Variants in ROBO2 observed in about 807,000 individuals in gnomAD.
ROBO2 encodes roundabout homolog 2.
In ROBO2, 53 loss-of-function variants were observed where a neutral mutation model predicts 160.8. That is an observed-to-expected ratio of 0.33 (90% CI 0.26 to 0.41). The LOEUF (loss-of-function observed/expected upper bound fraction) is 0.41. ROBO2 is among the 10% of genes least tolerant of loss of function. The probability of loss-of-function intolerance (pLI) is 1.00; values close to 1 mark genes in which losing one functional copy is unlikely to be tolerated. For synonymous variants in ROBO2, 664 were observed against 611.7 expected (o/e 1.09, Z -1.26); for missense variants, 1,577 against 1,722.4 (o/e 0.92, Z 1.49).
chr3:76,106,284 A>G (rs2069929016), intron 2 of ROBO2, among the ~76,000 whole-genome samples: 1 of 152,120 alleles, frequency 6.6e-6, no homozygotes, highest in Non-Finnish European at 1.5e-5. Context: ...AACAGAAGCA[A>G]TTTTACAAAC....
intron 2 of ROBO2, among the ~76,000 whole-genome samples, chr3:76,322,164 G>A (rs866194926): frequency 0.012 from 1,248 of 107,988 alleles, 15 homozygotes; most frequent in Non-Finnish European, 0.013. Context: ...TACTTCTTCC[G>A]TATATATATA....
intron 2 of ROBO2, among the ~76,000 whole-genome samples, chr3:77,371,989 T>A (rs530415822): frequency 7.9e-5 from 12 of 152,338 alleles, no homozygotes; most frequent in Middle Eastern, 3.4e-3. Context: ...GGATTTGAGT[T>A]ATGTGGATAA....
intron 2 of ROBO2, among the ~76,000 whole-genome samples, chr3:76,630,509 T>C (rs1188464428): frequency 6.7e-6 from 1 of 148,272 alleles, no homozygotes; most frequent in Non-Finnish European, 1.5e-5. Flanking sequence ...AGAAATATGC[T>C]GCAGGAACTT....
intron 16 of ROBO2, among the ~76,000 whole-genome samples, chr3:77,587,716 C>T (rs1424145044): frequency 6.6e-6 from 1 of 152,056 alleles, no homozygotes; most frequent in East Asian, 1.9e-4. Context: ...TAACATATTA[C>T]AGTGCTATAG....
At chr3:75,948,607 A>G (rs1269245415) in intron 2 of ROBO2, among the ~76,000 whole-genome samples, 1 of 152,042 alleles carries the variant, frequency 6.6e-6, no homozygotes, top group Non-Finnish European at 1.5e-5. Context: ...TGTAAGAGAC[A>G]TGCTACTCCA....
At chr3:76,394,447 GC>G (rs1231680625) in intron 2 of ROBO2, among the ~76,000 whole-genome samples, 1 of 152,050 alleles carries the variant, frequency 6.6e-6, no homozygotes, top group Non-Finnish European at 1.5e-5. Context: ...TTGAATATCG[GC>G]CCCCACTCTC....
At chr3:76,482,369 G>T (rs1455343815) in intron 2 of ROBO2, among the ~76,000 whole-genome samples, 2 of 152,118 alleles carry the variant, frequency 1.3e-5, no homozygotes, top group South Asian at 2.1e-4. Flanking sequence ...CAGCCACCAT[G>T]ACGATGTGTG....
intron 2 of ROBO2, among the ~76,000 whole-genome samples, chr3:77,301,700 C>A (rs1264375681): frequency 1.3e-5 from 2 of 152,176 alleles, no homozygotes; most frequent in Non-Finnish European, 2.9e-5. Context: ...TTGTTCTCAT[C>A]ATAGTTAAAA....
chr3:75,984,589 G>GA (rs2065363491), intron 2 of ROBO2, among the ~76,000 whole-genome samples: 1 of 151,366 alleles, frequency 6.6e-6, no homozygotes, highest in Non-Finnish European at 1.5e-5. Context: ...AACACAAATA[G>GA]CCCAATAGGA....
intron 4 of ROBO2, among the ~76,000 whole-genome samples, chr3:77,481,439 T>A (rs549141975): frequency 5.6e-4 from 85 of 152,298 alleles, no homozygotes; most frequent in Middle Eastern, 6.8e-3. Context: ...TGTTCATGTA[T>A]TTGTAAGATT....
intron 2 of ROBO2, among the ~76,000 whole-genome samples, chr3:76,946,363 C>T (rs577827987): frequency 1.3e-5 from 2 of 151,096 alleles, no homozygotes; most frequent in African/African-American, 4.9e-5. Flanking sequence ...CAGTTGATTA[C>T]TTGAAAAGGA....
chr3:77,502,919 A>T (rs150870111), intron 5 of ROBO2, among the ~76,000 whole-genome samples: 1 of 152,302 alleles, frequency 6.6e-6, no homozygotes, highest in African/African-American at 2.4e-5. Context: ...GTATACATCT[A>T]GAATGATGAA....
intron 2 of ROBO2, among the ~76,000 whole-genome samples, chr3:76,669,474 C>G (rs116740811): frequency 6.6e-6 from 1 of 152,114 alleles, no homozygotes; most frequent in African/African-American, 2.4e-5. Context: ...ATGAAAGGAA[C>G]GTGCAACCAG....
intron 2 of ROBO2, among the ~76,000 whole-genome samples, chr3:77,190,592 A>C (rs2081746096): frequency 6.6e-6 from 1 of 152,042 alleles, no homozygotes; most frequent in Non-Finnish European, 1.5e-5. Flanking sequence ...AACAAGCAGG[A>C]TCTTGGCAGG....
At chr3:76,743,731 A>G (rs1313107142) in intron 2 of ROBO2, among the ~76,000 whole-genome samples, 1 of 151,912 alleles carries the variant, frequency 6.6e-6, no homozygotes, top group African/African-American at 2.4e-5. Context: ...TTTCTCTTAT[A>G]CTATGCAAAT....
intron 10 of ROBO2, 125 bp downstream of exon 11, chr3:77,562,857 A>T (rs972281344): frequency 1.3e-6 from 1 of 772,240 alleles, no homozygotes; most frequent in Admixed American, 2.0e-5. Flanking sequence ...TTTACATTCA[A>T]TGCCATTTTT....
intron 2 of ROBO2, among the ~76,000 whole-genome samples, chr3:76,281,050 A>T (rs1708206339): frequency 6.6e-6 from 1 of 151,936 alleles, no homozygotes; most frequent in Non-Finnish European, 1.5e-5. Context: ...GAATCTGTCC[A>T]AAATCAGTGA....
chr3:76,784,830 T>C (rs991244231), intron 2 of ROBO2, among the ~76,000 whole-genome samples: 2 of 151,234 alleles, frequency 1.3e-5, no homozygotes, highest in Non-Finnish European at 3.0e-5. Flanking sequence ...TACAGCCATG[T>C]TGATTCCCTC....
chr3:77,017,750 A>AT lies in ROBO2; in HGVS notation c.110-80254dup, dbSNP rs141830735. 2.1e-3 allele frequency among the ~76,000 whole-genome samples: 318 copies of AT among 150,062 alleles called. 1 individual carries two copies. Among genetic ancestry groups the AT allele is most frequent in the African/African-American group, 7.3e-3 (301 of 41,058 alleles). ...CATAATTTTTTAAAGTAATTTTTCTATTTTTTTTTTCTTGACCTGCACCCT... is the reference window on the plus strand; with the variant it reads ...CATAATTTTTTAAAGTAATTTTTCTATTTTTTTTTTTCTTGACCTGCACCCT... On this transcript the variant is annotated intron_variant, in intron 2 of 26. Coordinates refer to the ROBO2 transcript ENST00000487694.
Sources: allele counts gnomAD v4.1 joint callset (sites outside exome capture counted in the v4.1 genomes callset), GRCh38; gene constraint gnomAD v4.1.1; transcripts MANE v1.5; gene names NCBI Gene and HGNC (gene_info 2026-07-23, HGNC 2026-07-21).